Variants in PTPRM observed in about 807,000 individuals in gnomAD.
PTPRM encodes the protein receptor-type tyrosine-protein phosphatase mu.
Under a neutral mutation model 186.7 loss-of-function variants are expected in PTPRM, and 47 were observed. The observed-to-expected ratio is 0.25, with a 90% CI of 0.20 to 0.32. PTPRM has a LOEUF of 0.32. PTPRM is among the 10% of genes least tolerant of loss of function. PTPRM has a pLI of 1.00. For missense variants in PTPRM, 1,494 were observed against 1,865.0 expected, an observed-to-expected ratio of 0.80 and a Z score of 3.66; for synonymous variants, 668 against 674.9, an observed-to-expected ratio of 0.99 and a Z score of 0.16.
intron 5 of PTPRM, among the ~76,000 whole-genome samples, chr18:7,936,703 A>G (rs2051835618): frequency 6.6e-6 from 1 of 152,190 alleles, no homozygotes. Flanking sequence ...GAAGGCCTGA[A>G]GCCTGGGAGC....
At chr18:8,280,304 G>C (rs2147730738) in intron 19 of PTPRM, among the ~76,000 whole-genome samples, 1 of 150,838 alleles carries the variant, frequency 6.6e-6, no homozygotes, top group East Asian at 2.0e-4. Context: ...TATGACCTTA[G>C]TTTAACTTAA....
At chr18:8,049,819 C>T (rs2087344269) in intron 7 of PTPRM, among the ~76,000 whole-genome samples, 1 of 151,616 alleles carries the variant, frequency 6.6e-6, no homozygotes, top group Non-Finnish European at 1.5e-5. Flanking sequence ...TCATGTGATT[C>T]TCCTGCCTCA....
At chr18:7,894,852 G>A (rs966441983) in intron 3 of PTPRM, among the ~76,000 whole-genome samples, 11 of 151,964 alleles carry the variant, frequency 7.2e-5, no homozygotes, top group African/African-American at 1.7e-4. Flanking sequence ...CAATTATTAC[G>A]TAGGCTGCAG....
At chr18:8,048,355 A>G (rs1360306295) in intron 7 of PTPRM, among the ~76,000 whole-genome samples, 1 of 151,778 alleles carries the variant, frequency 6.6e-6, no homozygotes, top group Non-Finnish European at 1.5e-5. Flanking sequence ...CCTTCTTTCT[A>G]TCTTTTTAAA....
At chr18:7,840,548 G>GC (rs1381718505) in intron 2 of PTPRM, among the ~76,000 whole-genome samples, 1 of 152,116 alleles carries the variant, frequency 6.6e-6, no homozygotes, top group Non-Finnish European at 1.5e-5. Context: ...TAGCATTCTG[G>GC]CAGGGTCTGT....
At chr18:7,913,720 T>C (rs1362001308) in intron 4 of PTPRM, among the ~76,000 whole-genome samples, 1 of 152,134 alleles carries the variant, frequency 6.6e-6, no homozygotes, top group Non-Finnish European at 1.5e-5. Flanking sequence ...AATGAAACAT[T>C]ATACGAAGTT....
intron 13 of PTPRM, among the ~76,000 whole-genome samples, chr18:8,127,016 T>C (rs899744089): frequency 6.6e-6 from 1 of 151,888 alleles, no homozygotes; most frequent in Non-Finnish European, 1.5e-5. Flanking sequence ...TGGGAAACAA[T>C]TGGAGTGTTT....
rs745768050 is a variant in PTPRM at position 8,027,449 on chromosome 18, A to G, written c.1133-42237A>G. On this transcript the variant is annotated intron_variant, in intron 7 of 32. Coordinates refer to ENST00000580170, the MANE Select transcript of PTPRM (RefSeq NM_001105244.2). ...GTGATTAGGATTTTACATTCCTTCTAGAATCTATTTTATATGGAAATGTGT... is the reference window on the plus strand; with the variant it reads ...GTGATTAGGATTTTACATTCCTTCTGGAATCTATTTTATATGGAAATGTGT... Among the ~76,000 whole-genome samples the G allele has an allele frequency of 7.2e-5, 11 of 152,324 alleles. No individual in the cohort carries two copies. The South Asian group carries it at 2.3e-3, about 32-fold the overall frequency.
chr18:7,642,387 A>G (rs2038464052), intron 1 of PTPRM, among the ~76,000 whole-genome samples: 2 of 152,180 alleles, frequency 1.3e-5, no homozygotes, highest in Admixed American at 1.3e-4. Context: ...CTGTCGTTAC[A>G]ATTTCCTACA....
intron 31 of PTPRM, among the ~76,000 whole-genome samples, chr18:8,390,941 T>TAATAATAATAAA (rs2148575452): frequency 8.9e-6 from 1 of 112,152 alleles, no homozygotes; most frequent in South Asian, 2.7e-4. Context: ...AAGAAAATAA[T>TAATAATAATAAA]AATAATAATA....
chr18:7,572,600 G>A (rs2036590068), intron 1 of PTPRM, among the ~76,000 whole-genome samples: 1 of 152,084 alleles, frequency 6.6e-6, no homozygotes, highest in South Asian at 2.1e-4. Context: ...AATATCCCAA[G>A]GCTTAGTTTT....
chr18:7,954,672 T>C (rs1044455288), intron 6 of PTPRM, among the ~76,000 whole-genome samples: 4 of 152,086 alleles, frequency 2.6e-5, no homozygotes, highest in Non-Finnish European at 4.4e-5. Flanking sequence ...CAGTTAACTT[T>C]AGTGGAAAAA....
intron 2 of PTPRM, among the ~76,000 whole-genome samples, chr18:7,856,413 A>G (rs1177838432): frequency 3.3e-5 from 5 of 152,138 alleles, no homozygotes; most frequent in African/African-American, 1.2e-4. Flanking sequence ...ACCCGTCTCT[A>G]CTTTTGTTTA....
At chr18:8,295,388 A>G (rs2095085820) in intron 19 of PTPRM, among the ~76,000 whole-genome samples, 2 of 149,386 alleles carry the variant, frequency 1.3e-5, no homozygotes, top group South Asian at 4.4e-4. Flanking sequence ...GGAGGAAGGA[A>G]GAGCTTCTGT....
intron 7 of PTPRM, among the ~76,000 whole-genome samples, chr18:8,031,394 A>G (rs553917964): frequency 6.6e-5 from 10 of 152,204 alleles, no homozygotes; most frequent in Non-Finnish European, 1.3e-4. Flanking sequence ...TAGGGACATC[A>G]TGCGTTTGAT....
intron 1 of PTPRM, among the ~76,000 whole-genome samples, chr18:7,603,044 CAG>C (rs1019723043): frequency 3.3e-5 from 5 of 151,784 alleles, no homozygotes; most frequent in Non-Finnish European, 7.4e-5. Context: ...TCTCCTGCCT[CAG>C]TCTCCTGAGT....
intron 1 of PTPRM, among the ~76,000 whole-genome samples, chr18:7,715,760 G>A (rs930534423): frequency 1.3e-5 from 2 of 152,128 alleles, no homozygotes; most frequent in Non-Finnish European, 2.9e-5. Context: ...ATTCACAATT[G>A]CTACAAAGAA....
intron 7 of PTPRM, among the ~76,000 whole-genome samples, chr18:8,032,286 T>C (rs1469773485): frequency 6.6e-6 from 1 of 152,196 alleles, no homozygotes; most frequent in Non-Finnish European, 1.5e-5. Flanking sequence ...AAAATGGGGA[T>C]TGTTATGCAT....
intron 22 of PTPRM, among the ~76,000 whole-genome samples, chr18:8,338,138 C>A (rs1037279836): frequency 3.3e-5 from 5 of 151,744 alleles, no homozygotes; most frequent in Non-Finnish European, 5.9e-5. Flanking sequence ...GTAGTCCTAC[C>A]GGGTAAGCAC....
Sources: allele counts gnomAD v4.1 joint callset (sites outside exome capture counted in the v4.1 genomes callset), GRCh38; gene constraint gnomAD v4.1.1; transcripts MANE v1.5; gene names NCBI Gene and HGNC (gene_info 2026-07-23, HGNC 2026-07-21).